NRG3: variants seen among roughly 807,000 people sequenced by gnomAD.
The protein encoded by NRG3 is pro-neuregulin-3, membrane-bound isoform.
NRG3 carries 31 observed loss-of-function variants against 66.9 expected under a neutral mutation model. The observed-to-expected ratio is 0.46, with a 90% confidence interval of 0.35 to 0.63. The LOEUF is 0.63. NRG3 is among the 20% of genes least tolerant of loss of function. The probability of loss-of-function intolerance (pLI) is 0.00; values close to 1 mark genes in which losing one functional copy is unlikely to be tolerated. For synonymous variants in NRG3, 393 were observed against 359.4 expected, an observed-to-expected ratio of 1.09 and a Z score of -1.06; for missense variants, 910 against 878.9, an observed-to-expected ratio of 1.04 and a Z score of -0.45.
At chr10:82,708,162 T>C (rs1361536229) in intron 2 of NRG3, among the ~76,000 whole-genome samples, 1 of 152,186 alleles carries the variant, frequency 6.6e-6, no homozygotes, top group Non-Finnish European at 1.5e-5. Flanking sequence ...CATCTGCTAT[T>C]TTTTCCGTTT....
chr10:82,234,898 G>A (rs563146084), intron 1 of NRG3, among the ~76,000 whole-genome samples: 53 of 152,318 alleles, frequency 3.5e-4, no homozygotes, highest in African/African-American at 1.1e-3. Context: ...TCCTTCAGCC[G>A]TGCTTGCCTT....
At position 81,905,391 on chromosome 10, in the gene NRG3, T is replaced by G. The variant is rs1042144838; in HGVS notation, c.823+29228T>G. Reference sequence around the variant, plus strand: ...CCTCTGGCTACCTGGATATGTTATTTTTTGGACCACAGACCTGAGTTACAG... The same window carrying G: ...CCTCTGGCTACCTGGATATGTTATTGTTTGGACCACAGACCTGAGTTACAG... On this transcript the variant is annotated intron_variant, in intron 1 of 8. Transcript: ENST00000372141. Among the ~76,000 whole-genome samples the G allele has an allele frequency of 3.3e-5, 5 of 152,208 alleles. No homozygotes were observed. The South Asian group carries it at 1.0e-3, about 32-fold the overall frequency.
At chr10:82,261,748 A>C (rs758660864) in intron 1 of NRG3, among the ~76,000 whole-genome samples, 20 of 152,220 alleles carry the variant, frequency 1.3e-4, no homozygotes, top group Non-Finnish European at 2.6e-4. Flanking sequence ...TCCTTAAGGC[A>C]CAGATCACTC....
intron 1 of NRG3, among the ~76,000 whole-genome samples, chr10:82,111,433 G>A (rs2067382730): frequency 6.6e-6 from 1 of 152,114 alleles, no homozygotes; most frequent in African/African-American, 2.4e-5. Context: ...ACACGACCGA[G>A]TGCTTTGGGC....
intron 1 of NRG3, among the ~76,000 whole-genome samples, chr10:81,932,013 G>T (rs966451090): frequency 6.6e-6 from 1 of 152,094 alleles, no homozygotes; most frequent in Admixed American, 6.6e-5. Context: ...ATAAATAAAA[G>T]AGACTTAATT....
intron 3 of NRG3, chr10:82,827,188 T>A (rs2062261985): frequency 3.1e-6 from 1 of 325,436 alleles, no homozygotes; most frequent in African/African-American, 2.4e-5. Flanking sequence ...ATGTGAGACT[T>A]TTTGTTACCA....
chr10:82,021,786 ATGTGTGTGTGTGTGTG>A (rs71950373), intron 1 of NRG3, among the ~76,000 whole-genome samples: 11 of 61,106 alleles, frequency 1.8e-4, no homozygotes, highest in East Asian at 1.6e-3. Flanking sequence ...GGCATGTAGT[ATGTGTGTGTGTGTGTG>A]TGTGTGTGTG....
chr10:82,764,714 G>A (rs1468630150), intron 3 of NRG3, among the ~76,000 whole-genome samples: 1 of 152,032 alleles, frequency 6.6e-6, no homozygotes, highest in Non-Finnish European at 1.5e-5. Flanking sequence ...ATATGATAGG[G>A]AAATTATTTC....
chr10:82,690,494 C>T (rs2054843440), intron 2 of NRG3, among the ~76,000 whole-genome samples: 1 of 152,028 alleles, frequency 6.6e-6, no homozygotes, highest in African/African-American at 2.4e-5. Context: ...AAATATTTCA[C>T]ATAAATAATA....
intron 2 of NRG3, among the ~76,000 whole-genome samples, chr10:82,425,299 G>T (rs1160429447): frequency 6.6e-6 from 1 of 151,920 alleles, no homozygotes; most frequent in East Asian, 1.9e-4. Context: ...AAATATTTAG[G>T]CTTTCTTAAT....
chr10:82,805,571 C>T (rs1010783577), intron 3 of NRG3, among the ~76,000 whole-genome samples: 4 of 152,034 alleles, frequency 2.6e-5, no homozygotes, highest in African/African-American at 7.2e-5. Flanking sequence ...GGAGAGGTGT[C>T]ATTGCCAGAT....
At chr10:82,510,708 T>C (rs1225006052) in intron 2 of NRG3, among the ~76,000 whole-genome samples, 1 of 152,202 alleles carries the variant, frequency 6.6e-6, no homozygotes, top group Non-Finnish European at 1.5e-5. Flanking sequence ...TCTCTTCCCT[T>C]TTATCTCCGT....
At chr10:82,184,600 G>A (rs186556203) in intron 1 of NRG3, among the ~76,000 whole-genome samples, 29 of 152,158 alleles carry the variant, frequency 1.9e-4, no homozygotes, top group Admixed American at 1.5e-3. Context: ...GTTATATTTT[G>A]CAAACCCATG....
Position 82,139,014 on chromosome 10 carries a change from T to C in NRG3, c.824-219725T>C, listed in dbSNP as rs576646781. Among the ~76,000 whole-genome samples, 12 of 152,266 alleles carry C rather than the reference T, an allele frequency of 7.9e-5. No homozygotes were observed. In the East Asian group the frequency reaches 2.3e-3, roughly 29 times the overall value. ...AAAGACATATCCAGGAACAATACTT[T>C]GCATCTTTCAATCCAATCAAGTTGA... On this transcript the variant is annotated intron_variant, in intron 1 of 8. Coordinates refer to ENST00000372141, the MANE Select transcript of NRG3 (RefSeq NM_001010848.4).
At chr10:82,462,412 A>C (rs1189633637) in intron 2 of NRG3, among the ~76,000 whole-genome samples, 1 of 151,522 alleles carries the variant, frequency 6.6e-6, no homozygotes, top group African/African-American at 2.4e-5. Context: ...ATATATATTT[A>C]TATTACTCAT....
At chr10:82,780,503 A>T in intron 3 of NRG3, among the ~76,000 whole-genome samples, 1 of 134,752 alleles carries the variant, frequency 7.4e-6, no homozygotes, top group African/African-American at 2.8e-5. Context: ...TTTTTGGTCA[A>T]TCAAGTTGTG....
In NRG3 at chr10:82,232,480, A is replaced by G. The variant is rs191050496; in HGVS notation, c.824-126259A>G. ...CTCCCTCTGTGTTGCTTGTGCTTAC[A>G]GTAGAGATGGCTCTTCTCCTAACAG... On this transcript the variant is annotated intron_variant, in intron 1 of 8. Coordinates refer to ENST00000372141, the MANE Select transcript of NRG3 (RefSeq NM_001010848.4). The G allele has an allele frequency of 7.2e-5, 28 of 389,736 alleles. 1 individual carries two copies. In the East Asian group the frequency reaches 1.3e-3, roughly 19 times the overall value. The allele number at this position is 389,736 out of a possible 1,614,324, so 24.1% of individuals were successfully genotyped here.
chr10:81,933,107 C>CAAAAA (rs769607380), intron 1 of NRG3, among the ~76,000 whole-genome samples: 14 of 59,126 alleles, frequency 2.4e-4, no homozygotes, highest in Admixed American at 4.0e-4. Flanking sequence ...CGCTCCATCT[C>CAAAAA]AAAAAAAAAA....
chr10:82,903,145 T>C (rs771569494), intron 4 of NRG3, among the ~76,000 whole-genome samples: 2 of 152,088 alleles, frequency 1.3e-5, no homozygotes, highest in Non-Finnish European at 2.9e-5. Flanking sequence ...CATAAACAAA[T>C]GTAAAGATGT....
Sources: allele counts gnomAD v4.1 joint callset (sites outside exome capture counted in the v4.1 genomes callset), GRCh38; gene constraint gnomAD v4.1.1; transcripts MANE v1.5; gene names NCBI Gene and HGNC (gene_info 2026-07-23, HGNC 2026-07-21).